RIMKLB: variants seen among roughly 807,000 people sequenced by gnomAD.
RIMKLB encodes the protein ribosomal modification protein rimK like family member B.
A neutral mutation model predicts 32.0 loss-of-function variants in RIMKLB; 7 were observed. The ratio of observed to expected loss-of-function variants is 0.22; its 90% CI spans 0.12 to 0.41. The LOEUF (loss-of-function observed/expected upper bound fraction) is 0.41. RIMKLB is among the 10% of genes least tolerant of loss of function. RIMKLB has a pLI of 1.00. For synonymous variants in RIMKLB, 172 were observed against 185.1 expected (o/e 0.93, Z 0.57); for missense variants, 289 against 498.7 (o/e 0.58, Z 4.00).
At chr12:8,704,382 C>CCA (rs1555148558) in intron 1 of RIMKLB, among the ~76,000 whole-genome samples, 2 of 126,652 alleles carry the variant, frequency 1.6e-5, no homozygotes, top group African/African-American at 5.7e-5. Context: ...GACCCTGTCT[C>CCA]AAAAAAAAAA....
Position 8,775,186 on chromosome 12 carries a change from C to T in RIMKLB, c.*1402C>T. On this transcript the variant is annotated 3_prime_UTR_variant, in exon 6 of 6. Coordinates refer to ENST00000535829, the MANE Select transcript of RIMKLB (RefSeq NM_001297776.2). ...CTTTTCTTTAATGCTTCTGGCTATG[C>T]ATTTTCTCTTTTTACATATAGGATT... is the stretch of plus-strand genomic sequence containing the variant. 1 of 985,546 alleles carries T rather than the reference C, an allele frequency of 1.0e-6. No homozygotes were observed. 61.1% of individuals were successfully genotyped at this position (985,546 alleles called of 1,614,324 possible).
At chr12:8,747,091 G>A (rs967260852) in intron 2 of RIMKLB, among the ~76,000 whole-genome samples, 5 of 152,100 alleles carry the variant, frequency 3.3e-5, no homozygotes, top group African/African-American at 9.7e-5. Context: ...ATGGAATGAG[G>A]AGTATATGGA....
chr12:8,777,315 T>C, downstream of RIMKLB: 8 of 987,244 alleles, frequency 8.1e-6, no homozygotes, highest in Non-Finnish European at 9.6e-6. Flanking sequence ...TTGGAATGTT[T>C]CAGTAGTGGA....
the RIMKLB span, among the ~76,000 whole-genome samples, chr12:8,670,155 A>G: frequency 6.6e-6 from 1 of 151,856 alleles, no homozygotes; most frequent in Non-Finnish European, 1.5e-5. Flanking sequence ...CAGCCAAACC[A>G]TCTCATTCTG....
chr12:8,708,406 A>G (rs1055719589), intron 1 of RIMKLB, among the ~76,000 whole-genome samples: 1 of 152,152 alleles, frequency 6.6e-6, no homozygotes, highest in African/African-American at 2.4e-5. Flanking sequence ...TTATTCTGTG[A>G]TGTAATAGAA....
intron 1 of RIMKLB, among the ~76,000 whole-genome samples, chr12:8,705,280 C>A (rs1943760830): frequency 6.6e-6 from 1 of 151,942 alleles, no homozygotes; most frequent in Admixed American, 6.6e-5. Flanking sequence ...AGTTCGAGAC[C>A]AGCCTGGCCA....
chr12:8,756,992 A>G (rs926579106), intron 5 of RIMKLB, among the ~76,000 whole-genome samples: 3 of 151,928 alleles, frequency 2.0e-5, no homozygotes, highest in East Asian at 1.9e-4. Context: ...CCTACTTCCT[A>G]TTCTTGAAAA....
At chr12:8,777,194 CACTG>C (rs1159141287), downstream of RIMKLB, 22 of 792,438 alleles carry the variant, frequency 2.8e-5, no homozygotes, top group East Asian at 1.3e-4. Flanking sequence ...TAACCAGGTT[CACTG>C]ACTGCTTGCT....
intron 3 of RIMKLB, among the ~76,000 whole-genome samples, chr12:8,750,701 A>G (rs2137742120): frequency 6.6e-6 from 1 of 152,284 alleles, no homozygotes; most frequent in Middle Eastern, 3.4e-3. Flanking sequence ...CAGCAGTGCC[A>G]GATTGCTATA....
At chr12:8,749,264 G>T (rs1323213202) in intron 2 of RIMKLB, among the ~76,000 whole-genome samples, 2 of 150,234 alleles carry the variant, frequency 1.3e-5, no homozygotes, top group African/African-American at 4.9e-5. Flanking sequence ...AGGCTGGAGT[G>T]CAGTGGCACT....
At chr12:8,687,487 T>C (rs56294261) in intron 1 of RIMKLB, among the ~76,000 whole-genome samples, 45 of 152,270 alleles carry the variant, frequency 3.0e-4, no homozygotes, top group African/African-American at 1.1e-3. Context: ...TTTTCATACT[T>C]TTTCCTCTTT....
intron 2 of RIMKLB, among the ~76,000 whole-genome samples, chr12:8,724,367 A>G (rs1261990955): frequency 6.6e-6 from 1 of 152,092 alleles, no homozygotes; most frequent in African/African-American, 2.4e-5. Flanking sequence ...TTTGTCAGGT[A>G]CTTTGTAAAT....
chr12:8,687,820 G>GAAAAA (rs752174507), intron 1 of RIMKLB, among the ~76,000 whole-genome samples: 9 of 72,690 alleles, frequency 1.2e-4, no homozygotes, highest in Admixed American at 1.7e-4. Flanking sequence ...AAGTCAGGAA[G>GAAAAA]AAAAAAAAAA....
At chr12:8,752,082 C>A in intron 4 of RIMKLB, 39 bp downstream of exon 4, 1 of 1,274,140 alleles carries the variant, frequency 7.8e-7, no homozygotes, top group Non-Finnish European at 1.1e-6. Flanking sequence ...AGTTTTGAAA[C>A]TATTCTTGCT....
In RIMKLB at chr12:8,733,508, A is replaced by G. The variant is rs764316149; in HGVS notation, c.176-16354A>G. On this transcript the variant is annotated intron_variant, in intron 2 of 5. Transcript: ENST00000535829. Reference sequence around the variant, plus strand: ...ATAAGGAAAAACATGAAATTGCTTTAAGTCTGAAAAAGTGAGAAACTAGAA... The same window carrying G: ...ATAAGGAAAAACATGAAATTGCTTTGAGTCTGAAAAAGTGAGAAACTAGAA... Among the ~76,000 whole-genome samples, 7 of 152,306 alleles carry G rather than the reference A, an allele frequency of 4.6e-5. No homozygotes were observed. In the East Asian group the frequency reaches 1.4e-3, roughly 29 times the overall value.
At chr12:8,772,093 T>G (rs1950454220) in intron 5 of RIMKLB, among the ~76,000 whole-genome samples, 1 of 152,174 alleles carries the variant, frequency 6.6e-6, no homozygotes, top group Admixed American at 6.5e-5. Context: ...TTCACCATGT[T>G]GGCCAGGCTG....
chr12:8,780,620 G>C (rs1429041472), downstream of RIMKLB: 1 of 152,186 alleles, frequency 6.6e-6, no homozygotes, highest in African/African-American at 2.4e-5. Flanking sequence ...GAATTCTTCA[G>C]ATTGATGGCT....
chr12:8,780,556 A>G (rs1009884570), downstream of RIMKLB: 5 of 152,206 alleles, frequency 3.3e-5, no homozygotes, highest in South Asian at 2.1e-4. Flanking sequence ...AACTTTTTCT[A>G]TATACCCTTC....
chr12:8,763,603 C>T lies in RIMKLB; in HGVS notation c.697+9510C>T, dbSNP rs961759420. 5.3e-5 allele frequency among the ~76,000 whole-genome samples: 8 copies of T among 152,218 alleles called. 1 individual carries two copies. The South Asian group carries it at 1.0e-3, about 20-fold the overall frequency. ...CCTTGGTGCTTTTGGATAATTTTAGCCCTAAGTATTTAACCTGCTGTGAGC... is the reference window on the plus strand; with the variant it reads ...CCTTGGTGCTTTTGGATAATTTTAGTCCTAAGTATTTAACCTGCTGTGAGC... On this transcript the variant is annotated intron_variant, in intron 5 of 5. Coordinates refer to ENST00000535829, the MANE Select transcript of RIMKLB (RefSeq NM_001297776.2).
Sources: allele counts gnomAD v4.1 joint callset (sites outside exome capture counted in the v4.1 genomes callset), GRCh38; gene constraint gnomAD v4.1.1; transcripts MANE v1.5; gene names NCBI Gene and HGNC (gene_info 2026-07-23, HGNC 2026-07-21).